Variants in FGF12 observed in about 807,000 individuals in gnomAD.
FGF12 encodes the protein fibroblast growth factor 12.
Under a neutral mutation model 23.6 loss-of-function variants are expected in FGF12, and 14 were observed. That is an observed-to-expected ratio of 0.59 (90% CI 0.39 to 0.93). The LOEUF (loss-of-function observed/expected upper bound fraction) is 0.93. FGF12 is among the 40% of genes least tolerant of loss of function. The probability of loss-of-function intolerance (pLI) is 0.00; values close to 1 mark genes in which losing one functional copy is unlikely to be tolerated. For synonymous variants in FGF12, 62 were observed against 77.3 expected (o/e 0.80, Z 1.04); for missense variants, 175 against 217.8 (o/e 0.80, Z 1.24).
intron 2 of FGF12, 80 bp downstream of exon 2, chr3:192,727,101 C>T (rs1403442238): frequency 1.3e-6 from 2 of 1,515,490 alleles, no homozygotes; most frequent in Admixed American, 3.9e-5. Flanking sequence ...GCTCCCCAAG[C>T]ACTGCAGTCC....
At chr3:192,572,798 A>G (rs960838231) in intron 2 of FGF12, among the ~76,000 whole-genome samples, 1 of 152,240 alleles carries the variant, frequency 6.6e-6, no homozygotes, top group Non-Finnish European at 1.5e-5. Context: ...ACAATTTAAA[A>G]TGCAGGGGAC....
chr3:192,165,045 T>G (rs1361785103), intron 5 of FGF12, among the ~76,000 whole-genome samples: 1 of 152,012 alleles, frequency 6.6e-6, no homozygotes, highest in Non-Finnish European at 1.5e-5. Flanking sequence ...TCCGACTCCC[T>G]GGGTTGAAAG....
In FGF12 at chr3:192,324,137, C is replaced by T. The variant is rs904207453; in HGVS notation, c.228+11224G>A. On this transcript the variant is annotated intron_variant, in intron 4 of 5. Transcript: ENST00000445105. The stretch of plus-strand genomic sequence containing the variant: ...ATTAAATAAAATATCATATGTACCC[C>T]ATAAATATATATGCCTACCACGTGC... Among the ~76,000 whole-genome samples the T allele has an allele frequency of 5.3e-5, 8 of 151,690 alleles. No individual in the cohort carries two copies. In the East Asian group the frequency reaches 1.3e-3, roughly 26 times the overall value.
chr3:192,581,674 T>C (rs1713163016), intron 2 of FGF12, among the ~76,000 whole-genome samples: 1 of 152,096 alleles, frequency 6.6e-6, no homozygotes, highest in Non-Finnish European at 1.5e-5. Flanking sequence ...TGAAGATTTC[T>C]AAAATGTAAA....
chr3:192,507,661 T>G (rs1724355170), intron 2 of FGF12, among the ~76,000 whole-genome samples: 1 of 152,154 alleles, frequency 6.6e-6, no homozygotes, highest in Non-Finnish European at 1.5e-5. Flanking sequence ...TCACCACTTT[T>G]AGGTAATCCC....
At chr3:192,267,066 A>G (rs1455668188) in intron 4 of FGF12, 1 of 152,210 alleles carries the variant, frequency 6.6e-6, no homozygotes. Flanking sequence ...CTTCGATTAC[A>G]TGAAATCTAA....
intron 2 of FGF12, among the ~76,000 whole-genome samples, chr3:192,535,818 T>C (rs1463303150): frequency 6.6e-6 from 1 of 152,190 alleles, no homozygotes; most frequent in African/African-American, 2.4e-5. Context: ...GTATCTGAGA[T>C]ACATAAACAT....
At chr3:192,691,268 A>G (rs1577123913) in intron 2 of FGF12, among the ~76,000 whole-genome samples, 1 of 152,282 alleles carries the variant, frequency 6.6e-6, no homozygotes, top group Non-Finnish European at 1.5e-5. Context: ...ATTGTCGAGT[A>G]TAGATTAAAT....
At chr3:192,622,270 G>A (rs945136026) in intron 2 of FGF12, among the ~76,000 whole-genome samples, 2 of 152,182 alleles carry the variant, frequency 1.3e-5, no homozygotes, top group Non-Finnish European at 2.9e-5. Context: ...GAGTCATCCA[G>A]GAGTGCTCCT....
intron 2 of FGF12, among the ~76,000 whole-genome samples, chr3:192,456,163 A>C (rs1337829841): frequency 6.6e-6 from 1 of 152,242 alleles, no homozygotes; most frequent in Non-Finnish European, 1.5e-5. Context: ...ATTTATGAAG[A>C]ATACAAGAGA....
chr3:192,161,449 C>T (rs553722947), intron 5 of FGF12, among the ~76,000 whole-genome samples: 156 of 152,024 alleles, frequency 1.0e-3, no homozygotes, highest in Non-Finnish European at 7.2e-4. Flanking sequence ...TACACACACA[C>T]ACACAACTGA....
At chr3:192,579,526 GT>G in intron 2 of FGF12, among the ~76,000 whole-genome samples, 1 of 152,280 alleles carries the variant, frequency 6.6e-6, no homozygotes, top group East Asian at 1.9e-4. Context: ...CACAAGCACT[GT>G]TTCCATGTTG....
chr3:192,275,047 T>C (rs1237656924), intron 4 of FGF12, among the ~76,000 whole-genome samples: 1 of 152,168 alleles, frequency 6.6e-6, no homozygotes, highest in Non-Finnish European at 1.5e-5. Flanking sequence ...TTAAAGATGA[T>C]TAGTATCTAT....
chr3:192,701,817 AT>A (rs1718307416), intron 2 of FGF12, among the ~76,000 whole-genome samples: 2 of 152,206 alleles, frequency 1.3e-5, no homozygotes, highest in Non-Finnish European at 2.9e-5. Context: ...TAGTGAAATG[AT>A]TACTACAGTC....
chr3:192,421,527 G>T (rs1721526367), intron 2 of FGF12, among the ~76,000 whole-genome samples: 1 of 152,042 alleles, frequency 6.6e-6, no homozygotes, highest in Admixed American at 6.6e-5. Flanking sequence ...GGAGGGACAT[G>T]GATGAAGCTG....
At chr3:192,654,287 G>T (rs541330438) in intron 2 of FGF12, among the ~76,000 whole-genome samples, 1 of 152,108 alleles carries the variant, frequency 6.6e-6, no homozygotes, top group Non-Finnish European at 1.5e-5. Flanking sequence ...GCATTAATGG[G>T]TAATACATAG....
chr3:192,274,701 C>T (rs569333662), intron 4 of FGF12, among the ~76,000 whole-genome samples: 2 of 152,258 alleles, frequency 1.3e-5, no homozygotes, highest in South Asian at 2.1e-4. Context: ...TTTAAGGATA[C>T]GTAAGCATTT....
intron 4 of FGF12, among the ~76,000 whole-genome samples, chr3:192,324,340 C>G (rs1045118895): frequency 6.6e-6 from 1 of 152,110 alleles, no homozygotes; most frequent in Non-Finnish European, 1.5e-5. Context: ...AGCACTAAAA[C>G]TAGCAGTGAG....
At chr3:192,588,349 C>CAAAAAAAAAAAAAAAA (rs1201739223) in intron 2 of FGF12, among the ~76,000 whole-genome samples, 3 of 66,984 alleles carry the variant, frequency 4.5e-5, no homozygotes, top group South Asian at 6.4e-4. Flanking sequence ...CAATCCGTCT[C>CAAAAAAAAAAAAAAAA]AAAAAAAAAA....
Sources: gnomAD v4.1 joint callset for allele counts (sites outside exome capture counted in the v4.1 genomes callset) on GRCh38, gnomAD v4.1.1 for gene constraint, MANE v1.5 for transcripts, NCBI Gene and HGNC (gene_info 2026-07-23, HGNC 2026-07-21) for gene names.